The following EFTUD2 variants were observed in gnomAD, a reference collection of about 807,000 sequenced individuals.
EFTUD2 encodes the protein elongation factor Tu GTP binding domain containing 2.
EFTUD2 carries 9 observed loss-of-function variants against 114.3 expected under a neutral mutation model. The ratio of observed to expected loss-of-function variants is 0.08; its 90% CI spans 0.05 to 0.14. The LOEUF (loss-of-function observed/expected upper bound fraction) is 0.14. Ranked by LOEUF, EFTUD2 falls within the 10% of genes least tolerant of loss-of-function variation. The pLI is 1.00. For missense variants in EFTUD2, 765 were observed against 1,241.2 expected, an observed-to-expected ratio of 0.62 and a Z score of 5.76; for synonymous variants, 449 against 462.3, an observed-to-expected ratio of 0.97 and a Z score of 0.37.
chr17:44,851,633 A>C, intron 27 of EFTUD2, 77 bp downstream of exon 27: 1 of 1,402,682 alleles, frequency 7.1e-7, no homozygotes, highest in Non-Finnish European at 9.6e-7. Flanking sequence ...AAAAGGGGCC[A>C]AAAGAAAGAG....
In EFTUD2 at chr17:44,852,501, T is replaced by C. The variant is rs1367900999; in HGVS notation, c.2623A>G (p.Ile875Val). The change falls in exon 26 of 28, where the codon ATC (isoleucine) becomes GTC (valine). Residue 875 changes from isoleucine (I) to valine (V), a missense_variant. Physicochemically the swap from Ile to Val is conservative, Grantham distance 29. Around this residue, in one of 6 missense-constraint regions of EFTUD2, gnomAD observed 166 missense variants for 401.5 expected, o/e 0.41. Coordinates refer to ENST00000426333, the MANE Select transcript of EFTUD2 (RefSeq NM_004247.4). ...AAGCCAAAAGAGTCGATGGCCGGGA[T>C]AAAAGCTTTGATGGTGTACAGAGGG... ...GSPLYTIKAF[I>V]PAIDSFGFET... 1 of 1,613,904 alleles carries C rather than the reference T, an allele frequency of 6.2e-7. No individual in the cohort carries two copies. Among genetic ancestry groups the C allele is most frequent in the South Asian group, 1.1e-5 (1 of 91,080 alleles).
At chr17:44,892,217 A>G (rs1304983148) in intron 2 of EFTUD2, 1 of 152,216 alleles carries the variant, frequency 6.6e-6, no homozygotes, top group African/African-American at 2.4e-5. Flanking sequence ...ACGGGGCACA[A>G]TGGTTCCCCT....
intron 23 of EFTUD2, chr17:44,853,995 C>T (rs1597788879): frequency 7.4e-6 from 10 of 1,348,214 alleles, no homozygotes; most frequent in East Asian, 2.8e-5. Flanking sequence ...TCTCATCATC[C>T]TCTTGATATC....
At chr17:44,891,116 T>C (rs2051270846) in intron 2 of EFTUD2, among the ~76,000 whole-genome samples, 1 of 152,136 alleles carries the variant, frequency 6.6e-6, no homozygotes, top group Admixed American at 6.5e-5. Flanking sequence ...CCACTCATCA[T>C]GATGCTGAGT....
chr17:44,871,592 G>A (rs1352058931), intron 11 of EFTUD2, among the ~76,000 whole-genome samples: 1 of 152,102 alleles, frequency 6.6e-6, no homozygotes, highest in African/African-American at 2.4e-5. Context: ...GCCTGCCTCA[G>A]CCTCCCAGAG....
At position 44,880,477 on chromosome 17, in the gene EFTUD2, TTCTGC is replaced by T. The variant is rs2051053221; in HGVS notation, c.619+72_619+76del. ...GTAAAAACAAAGATGCACTGCTCCG[TTCTGC>T]TCCGAAAAGTGAGAGGACACACGCA... On this transcript the variant is annotated intron_variant, in intron 8 of 27. Coordinates refer to ENST00000426333, the MANE Select transcript of EFTUD2 (RefSeq NM_004247.4). 10 of 1,129,462 alleles carry T rather than the reference TTCTGC, an allele frequency of 8.9e-6. No individual in the cohort carries two copies. In the South Asian group the frequency reaches 1.2e-4, roughly 13 times the overall value. 70.0% of individuals were successfully genotyped at this position (1,129,462 alleles called of 1,614,324 possible).
chr17:44,853,144 T>A, intron 25 of EFTUD2, 152 bp downstream of exon 25: 1 of 773,412 alleles, frequency 1.3e-6, no homozygotes, highest in Non-Finnish European at 2.1e-6. Flanking sequence ...CTTGCCTCCC[T>A]CCGCTCCTAC....
chr17:44,894,154 C>G, intron 2 of EFTUD2: 1 of 348,456 alleles, frequency 2.9e-6, no homozygotes, highest in Non-Finnish European at 5.3e-6. Flanking sequence ...GGCAGGTGGA[C>G]TGCTCGAGCT....
intron 9 of EFTUD2, among the ~76,000 whole-genome samples, chr17:44,879,156 G>C (rs916095890): frequency 1.3e-5 from 2 of 152,136 alleles, no homozygotes; most frequent in African/African-American, 4.8e-5. Context: ...CGCAATCTCG[G>C]CTCACTGCAA....
At chr17:44,861,565 T>C (rs1015737200) in intron 16 of EFTUD2, among the ~76,000 whole-genome samples, 2 of 151,368 alleles carry the variant, frequency 1.3e-5, no homozygotes, top group African/African-American at 2.4e-5. Flanking sequence ...AACCTGTCTC[T>C]ACTAAAAATA....
At chr17:44,856,097 C>T (rs2050546674) in intron 20 of EFTUD2, among the ~76,000 whole-genome samples, 1 of 141,262 alleles carries the variant, frequency 7.1e-6, no homozygotes. Flanking sequence ...CACCACTGTA[C>T]TCCAGCCTGG....
Position 44,865,093 on chromosome 17 carries a change from C to T in EFTUD2, c.1150-28G>A, listed in dbSNP as rs1438527233. ...GTGAGGGTGTAAGACACCATGTCAG[C>T]TGTAGTGAGAGCCTGAGCATGGTGC... On this transcript the variant is annotated intron_variant, in intron 13 of 27. Coordinates refer to ENST00000426333, the MANE Select transcript of EFTUD2 (RefSeq NM_004247.4). 9 of 1,613,366 alleles carry T rather than the reference C, an allele frequency of 5.6e-6. No individual in the cohort carries two copies. In the South Asian group the frequency reaches 9.9e-5, roughly 18 times the overall value.
chr17:44,875,658 C>T, intron 10 of EFTUD2: 1 of 247,072 alleles, frequency 4.0e-6, no homozygotes, highest in Non-Finnish European at 7.8e-6. Context: ...CTGCAGTGAG[C>T]TGTGATTGTG....
Position 44,850,291 on chromosome 17 carries a change from G to A in EFTUD2, c.*983C>T. ...CCTGAGAGCCAGAGGACGGGTGAAGGGTTTGATGCCAAGGGGCATTATTTC... is the reference window on the plus strand; with the variant it reads ...CCTGAGAGCCAGAGGACGGGTGAAGAGTTTGATGCCAAGGGGCATTATTTC... On this transcript the variant is annotated 3_prime_UTR_variant, in exon 28 of 28. Coordinates refer to ENST00000426333, the MANE Select transcript of EFTUD2 (RefSeq NM_004247.4). 2.6e-6 allele frequency: 4 copies of A among 1,550,438 alleles called. No individual in the cohort carries two copies. Among genetic ancestry groups the A allele is most frequent in the Non-Finnish European group, 3.5e-6 (4 of 1,130,754 alleles).
intron 1 of EFTUD2, among the ~76,000 whole-genome samples, chr17:44,897,350 G>A (rs2051408750): frequency 6.6e-6 from 1 of 151,300 alleles, no homozygotes; most frequent in South Asian, 2.1e-4. Flanking sequence ...CTTCTTTTAT[G>A]ATACTAAATT....
At position 44,868,037 on chromosome 17, in the gene EFTUD2, T is replaced by C. The variant is rs1480085067; in HGVS notation, c.1059-140A>G. On this transcript the variant is annotated intron_variant, in intron 12 of 27. Transcript: ENST00000426333. ...TGACTGTAAAGTTTCCAGAGACAGA[T>C]TCCTGGAAGGATACATGGTTATGAC... is the stretch of plus-strand genomic sequence containing the variant. The C allele has an allele frequency of 1.5e-5, 14 of 934,404 alleles. No homozygotes were observed. The East Asian group carries it at 3.2e-4, about 22-fold the overall frequency. 57.9% of individuals were successfully genotyped at this position (934,404 alleles called of 1,614,324 possible).
rs557070573 is a variant in EFTUD2, at chr17:44,871,866, C to T, written c.994+580G>A. Among the ~76,000 whole-genome samples, 6 of 152,262 alleles carry T rather than the reference C, an allele frequency of 3.9e-5. No homozygotes were observed. In the South Asian group the frequency reaches 8.3e-4, roughly 21 times the overall value. Reference sequence around the variant, plus strand: ...GAACACAGAAAAGACTCTCAGTGCACGATTCCTATTGGAATCTGAGGTAAC... The same window carrying T: ...GAACACAGAAAAGACTCTCAGTGCATGATTCCTATTGGAATCTGAGGTAAC... On this transcript the variant is annotated intron_variant, in intron 11 of 27. Coordinates refer to ENST00000426333, the MANE Select transcript of EFTUD2 (RefSeq NM_004247.4).
At chr17:44,860,381 C>T in intron 17 of EFTUD2, 51 bp downstream of exon 17, 1 of 1,282,444 alleles carries the variant, frequency 7.8e-7, no homozygotes, top group Non-Finnish European at 1.1e-6. Flanking sequence ...ATGTGTGTCC[C>T]TGGGACCATC....
chr17:44,879,910 A>G (rs750812443), intron 8 of EFTUD2, among the ~76,000 whole-genome samples: 2 of 152,098 alleles, frequency 1.3e-5, no homozygotes, highest in Non-Finnish European at 2.9e-5. Context: ...AGCTTAGCCT[A>G]ATCAGCAGTA....
Sources: gnomAD v4.1 joint callset for allele counts (sites outside exome capture counted in the v4.1 genomes callset) on GRCh38, gnomAD v4.1.1 for gene constraint, gnomAD v4.1.1 regional missense constraint, MANE v1.5 for transcripts, NCBI Gene and HGNC (gene_info 2026-07-23, HGNC 2026-07-21) for gene names.